PCDHGA1: variants seen among roughly 807,000 people sequenced by gnomAD.
The protein encoded by PCDHGA1 is protocadherin gamma-A1.
Under a neutral mutation model 58.0 loss-of-function variants are expected in PCDHGA1, and 32 were observed. The observed-to-expected ratio is 0.55, with a 90% CI of 0.42 to 0.74. PCDHGA1 has a LOEUF of 0.74. PCDHGA1 is among the 30% of genes least tolerant of loss of function. PCDHGA1 has a pLI of 0.00. For missense variants in PCDHGA1, 1,205 were observed against 1,182.3 expected, an observed-to-expected ratio of 1.02 and a Z score of -0.28; for synonymous variants, 498 against 501.1, an observed-to-expected ratio of 0.99 and a Z score of 0.08.
In PCDHGA1 at chr5:141,335,983, A is replaced by AT. The variant is rs541321978; in HGVS notation, c.2421+2885dup. 1.9e-4 allele frequency among the ~76,000 whole-genome samples: 29 copies of AT among 152,362 alleles called. 1 individual carries two copies. In the South Asian group the frequency reaches 5.2e-3, roughly 27 times the overall value. On this transcript the variant is annotated intron_variant, in intron 1 of 3. Transcript: ENST00000517417. ...AGTAAGTTTATAGACAAATGCAATA[A>AT]TTTTTTTAAAAGCAAACAAAATTAT...
chr5:141,396,923 G>A (rs6886638), intron 1 of PCDHGA1, among the ~76,000 whole-genome samples: 45,883 of 152,076 alleles, frequency 0.3, 8,183 homozygotes, highest in African/African-American at 0.5. Context: ...TTAAAAACTC[G>A]GATGAAAGTT....
In PCDHGA1 at chr5:141,351,569, C is replaced by A. The variant is rs191804700; in HGVS notation, c.2421+18464C>A. 3.1e-6 allele frequency: 5 copies of A among 1,614,062 alleles called. No individual in the cohort carries two copies. The East Asian group carries it at 1.1e-4, about 36-fold the overall frequency. ...TTCCTCCAGGACAAGCATCACCCTG[C>A]ACATCTCCGACATCAACGACAATGC... is the stretch of plus-strand genomic sequence containing the variant. On this transcript the variant is annotated intron_variant, in intron 1 of 3. Transcript: ENST00000517417.
intron 1 of PCDHGA1, chr5:141,414,081 T>G: frequency 6.2e-7 from 1 of 1,601,774 alleles, no homozygotes; most frequent in Non-Finnish European, 8.5e-7. Context: ...ACAAATATAC[T>G]GGAGAAATAA....
At chr5:141,344,437 C>A in intron 1 of PCDHGA1, 1 of 1,613,468 alleles carries the variant, frequency 6.2e-7, no homozygotes, top group Non-Finnish European at 8.5e-7. Context: ...AATTTCCCAA[C>A]AGAGGAATTG....
chr5:141,432,016 C>G lies in PCDHGA1; in HGVS notation c.2422-62791C>G. 1 of 1,614,202 alleles carries G rather than the reference C, an allele frequency of 6.2e-7. No individual in the cohort carries two copies. The highest frequency in any genetic ancestry group is 1.1e-5 in the South Asian group (1 of 91,082). ...ATAGGGAACAGGTTCCTAGCTACAACATCACAGTGACCGCCACTGACCGGG... is the reference window on the plus strand; with the variant it reads ...ATAGGGAACAGGTTCCTAGCTACAAGATCACAGTGACCGCCACTGACCGGG... On this transcript the variant is annotated intron_variant, in intron 1 of 3. Coordinates refer to ENST00000517417, the MANE Select transcript of PCDHGA1 (RefSeq NM_018912.3). The surrounding 1 kb of genome is among the most constrained non-coding windows in gnomAD (Gnocchi z 6.0).
chr5:141,428,395 G>A, intron 1 of PCDHGA1: 1 of 488,280 alleles, frequency 2.0e-6, no homozygotes, highest in Non-Finnish European at 3.8e-6. Flanking sequence ...CAGCCCCTCT[G>A]CCTGGGGTTG....
At chr5:141,409,437 G>A in intron 1 of PCDHGA1, 1 of 1,613,968 alleles carries the variant, frequency 6.2e-7, no homozygotes, top group Non-Finnish European at 8.5e-7. Context: ...GCCCTGGACC[G>A]AGAGCAGACA....
At chr5:141,375,102 T>C (rs1185155280) in intron 1 of PCDHGA1, 3 of 1,613,868 alleles carry the variant, frequency 1.9e-6, no homozygotes, top group Non-Finnish European at 2.5e-6. Flanking sequence ...ATCTTGGATG[T>C]CAATGATAAT....
Position 141,490,008 on chromosome 5 carries a change from C to T in PCDHGA1, c.2422-4799C>T. 6.2e-7 allele frequency: 1 copy of T among 1,614,230 alleles called. No homozygotes were observed. ...GTGTGGGAATCCCAGAGAATGCACC[C>T]ATTGGTACTCTGCTGCTCCGCCTCA... On this transcript the variant is annotated intron_variant, in intron 1 of 3. Transcript: ENST00000517417. This position sits in a 1 kb window ranked among gnomAD's most constrained non-coding sequence, Gnocchi z 5.4.
intron 1 of PCDHGA1, among the ~76,000 whole-genome samples, chr5:141,464,748 T>A (rs995568259): frequency 2.0e-5 from 3 of 152,190 alleles, no homozygotes; most frequent in Admixed American, 2.0e-4. Flanking sequence ...TATCTTTTTG[T>A]TTTTTTAGAG....
chr5:141,449,693 G>A (rs2098652097), intron 1 of PCDHGA1, among the ~76,000 whole-genome samples: 1 of 150,164 alleles, frequency 6.7e-6, no homozygotes, highest in South Asian at 2.1e-4. Flanking sequence ...TTGTGTGTAT[G>A]TACACAAACA....
At chr5:141,356,053 A>G (rs1221177525) in intron 1 of PCDHGA1, 1 of 1,613,968 alleles carries the variant, frequency 6.2e-7, no homozygotes, top group Non-Finnish European at 8.5e-7. Flanking sequence ...CCGGAAAGTA[A>G]GAGACAAAAT....
chr5:141,415,766 TTTTTTTACTTTC>T, intron 1 of PCDHGA1: 1 of 1,295,032 alleles, frequency 7.7e-7, no homozygotes, highest in Admixed American at 3.5e-5. Flanking sequence ...TTTTTTTTTT[TTTTTTTACTTTC>T]TGGTAAAATT....
intron 1 of PCDHGA1, among the ~76,000 whole-genome samples, chr5:141,373,062 C>T (rs898228375): frequency 1.3e-5 from 2 of 152,140 alleles, no homozygotes; most frequent in African/African-American, 4.8e-5. Flanking sequence ...TAATCTGAAA[C>T]ATTTTTAATA....
intron 1 of PCDHGA1, chr5:141,385,045 C>T (rs769354835): frequency 1.9e-6 from 3 of 1,614,178 alleles, no homozygotes. Flanking sequence ...GGCGCTCAGG[C>T]TGCGGCGCTG....
chr5:141,424,391 C>T (rs2096818270), intron 1 of PCDHGA1: 1 of 152,106 alleles, frequency 6.6e-6, no homozygotes, highest in South Asian at 2.1e-4. Flanking sequence ...GATGTCTTTT[C>T]CATTACTATG....
At chr5:141,480,625 G>A (rs1041569361) in intron 1 of PCDHGA1, among the ~76,000 whole-genome samples, 2 of 152,070 alleles carry the variant, frequency 1.3e-5, no homozygotes, top group Non-Finnish European at 2.9e-5. Flanking sequence ...ATTTTCCCTA[G>A]AACAATGTTT....
At position 141,490,776 on chromosome 5, in the gene PCDHGA1, G is replaced by A. The variant is rs1234115299; in HGVS notation, c.2422-4031G>A. 4.3e-6 allele frequency: 7 copies of A among 1,614,162 alleles called. No individual in the cohort carries two copies. Among genetic ancestry groups the A allele is most frequent in the African/African-American group, 1.3e-5 (1 of 75,066 alleles). On this transcript the variant is annotated intron_variant, in intron 1 of 3. Transcript: ENST00000517417. This position sits in a 1 kb window ranked among gnomAD's most constrained non-coding sequence, Gnocchi z 5.4. ...CCTCCTTTGTGTATGTCAACCCAGA[G>A]GATGGACGGATCTTTGCCCAGCGTA...
chr5:141,374,825 C>G (rs11575953), intron 1 of PCDHGA1: 15 of 1,613,780 alleles, frequency 9.3e-6, no homozygotes, highest in Middle Eastern at 1.6e-4. Context: ...GCCTGTCTAC[C>G]GTGTAAGTGT....
Sources: gnomAD v4.1 joint callset for allele counts (sites outside exome capture counted in the v4.1 genomes callset) on GRCh38, gnomAD v4.1.1 for gene constraint, Gnocchi (gnomAD v3.1) non-coding constraint, MANE v1.5 for transcripts, NCBI Gene and HGNC (gene_info 2026-07-23, HGNC 2026-07-21) for gene names.